SLC35E2B: variants seen among roughly 807,000 people sequenced by gnomAD.
SLC35E2B encodes solute carrier family 35 member E2B, also known as solute carrier family 35, member E2B.
Under a neutral mutation model 32.4 loss-of-function variants are expected in SLC35E2B, and 18 were observed. The ratio of observed to expected loss-of-function variants is 0.56; its 90% CI spans 0.38 to 0.82. SLC35E2B has a LOEUF of 0.82. SLC35E2B is among the 40% of genes least tolerant of loss of function. SLC35E2B has a pLI of 0.00. For missense variants in SLC35E2B, 263 were observed against 469.5 expected (o/e 0.56, Z 4.06); for synonymous variants, 132 against 209.1 (o/e 0.63, Z 3.18).
At chr1:1,678,791 T>A (rs1251647769) in intron 2 of SLC35E2B, among the ~76,000 whole-genome samples, 2 of 152,134 alleles carry the variant, frequency 1.3e-5, no homozygotes. Flanking sequence ...TAAACCTCCA[T>A]GGGCTGCAGC....
At chr1:1,667,855 T>C (rs1397198007) in intron 9 of SLC35E2B, among the ~76,000 whole-genome samples, 1 of 151,310 alleles carries the variant, frequency 6.6e-6, no homozygotes, top group Non-Finnish European at 1.5e-5. Flanking sequence ...TTTGTTTTTC[T>C]GTTTTTTTTT....
intron 2 of SLC35E2B, among the ~76,000 whole-genome samples, chr1:1,677,325 TGA>T (rs2101106363): frequency 6.7e-6 from 1 of 150,324 alleles, no homozygotes; most frequent in South Asian, 2.1e-4. Flanking sequence ...TCCTTGCTCT[TGA>T]GAGACGGTCT....
intron 5 of SLC35E2B, among the ~76,000 whole-genome samples, chr1:1,675,087 C>T (rs908909376): frequency 1.3e-5 from 2 of 151,512 alleles, no homozygotes; most frequent in African/African-American, 4.9e-5. Flanking sequence ...GCCCACGGAC[C>T]AGGAGCCACG....
chr1:1,665,339 C>T lies in SLC35E2B; in HGVS notation c.*443G>A, dbSNP rs1339944198. Reference sequence around the variant, plus strand: ...CGGCCCTGCTCTGTGGCCTCATGCCCAGGGCCAGTCTGCCGCCGGTCCAGG... The same window carrying T: ...CGGCCCTGCTCTGTGGCCTCATGCCTAGGGCCAGTCTGCCGCCGGTCCAGG... On this transcript the variant is annotated 3_prime_UTR_variant, in exon 10 of 10. Coordinates refer to ENST00000617444, the MANE Select transcript of SLC35E2B (RefSeq NM_001290264.2). 11 of 402,360 alleles carry T rather than the reference C, an allele frequency of 2.7e-5. No homozygotes were observed. The highest frequency in any genetic ancestry group is 4.0e-5 in the Non-Finnish European group (9 of 226,722). 24.9% of individuals were successfully genotyped at this position (402,360 alleles called of 1,614,324 possible). A position where few individuals can be genotyped will look rare whatever the true frequency, so the allele number is the denominator to read the frequency against.
At chr1:1,678,022 C>A (rs1643868766) in intron 2 of SLC35E2B, among the ~76,000 whole-genome samples, 1 of 151,900 alleles carries the variant, frequency 6.6e-6, no homozygotes, top group South Asian at 2.1e-4. Context: ...GTTTCTCACA[C>A]CTGGGTTTCT....
chr1:1,678,202 T>C (rs1360651118), intron 2 of SLC35E2B, among the ~76,000 whole-genome samples: 1 of 152,116 alleles, frequency 6.6e-6, no homozygotes, highest in Admixed American at 6.5e-5. Context: ...TCCTTCTGTG[T>C]TTATGTTTAT....
chr1:1,680,790 G>A (rs1394262012), intron 2 of SLC35E2B, among the ~76,000 whole-genome samples: 1 of 151,622 alleles, frequency 6.6e-6, no homozygotes, highest in East Asian at 1.9e-4. Flanking sequence ...AAATGCCTGA[G>A]GCTGGCTGCT....
chr1:1,678,454 C>T (rs1643872217), intron 2 of SLC35E2B, among the ~76,000 whole-genome samples: 1 of 152,042 alleles, frequency 6.6e-6, no homozygotes, highest in Non-Finnish European at 1.5e-5. Context: ...TCTCTCTCCT[C>T]CCCTCCCCCT....
chr1:1,664,646 G>A lies in SLC35E2B; in HGVS notation c.*1136C>T, dbSNP rs1350122451. ...CACAGGAGGATGAGTTGAGCTGGCT[G>A]GTGGCCCCAGTGTGCCGTACTACTG... On this transcript the variant is annotated 3_prime_UTR_variant, in exon 10 of 10. Transcript: ENST00000617444. 6.1e-6 allele frequency: 5 copies of A among 821,106 alleles called. 1 individual carries two copies. The highest frequency in any genetic ancestry group is 5.8e-6 in the Non-Finnish European group (4 of 684,486). The allele number at this position is 821,106 out of a possible 1,614,324, so 50.9% of individuals were successfully genotyped here.
At chr1:1,675,228 C>CG (rs552474799) in intron 5 of SLC35E2B, among the ~76,000 whole-genome samples, 68,400 of 131,278 alleles carry the variant, frequency 0.52, 22,646 homozygotes, top group Non-Finnish European at 0.74. Flanking sequence ...GTTAGGGCCA[C>CG]AGACACAACC....
At chr1:1,671,836 G>A (rs996675689) in intron 5 of SLC35E2B, among the ~76,000 whole-genome samples, 3 of 152,128 alleles carry the variant, frequency 2.0e-5, no homozygotes, top group Non-Finnish European at 2.9e-5. Context: ...CAAAGGTGGC[G>A]CCTTTCACTC....
chr1:1,666,078 G>A (rs968352669), intron 9 of SLC35E2B, 59 bp from the exon 10 acceptor site: 114 of 1,503,166 alleles, frequency 7.6e-5, no homozygotes, highest in Non-Finnish European at 1.4e-5. Flanking sequence ...TCAGCCCGTG[G>A]CCAGCAGCTC....
In SLC35E2B at chr1:1,665,980, G is replaced by A. The variant is rs1643534219; in HGVS notation, c.1020C>T (p.Leu340=). The A allele has an allele frequency of 3.2e-6, 5 of 1,551,420 alleles. No homozygotes were observed. Among genetic ancestry groups the A allele is most frequent in the South Asian group, 1.2e-5 (1 of 84,064 alleles). Reference sequence around the variant, plus strand: ...TCTTGTTGCCGAAAACGATTACGCTGAGCCAGATGGACAAGGCATGTTTCA... The same window carrying A: ...TCTTGTTGCCGAAAACGATTACGCTAAGCCAGATGGACAAGGCATGTTTCA... ...STVKHALSIW[L]SVIVFGNKIT... Residue 340 remains leucine, a synonymous_variant, in exon 10 of 10, where the codon CTC becomes CTT. Coordinates refer to ENST00000617444, the MANE Select transcript of SLC35E2B (RefSeq NM_001290264.2).
chr1:1,685,562 T>C (rs1643940376), intron 2 of SLC35E2B, among the ~76,000 whole-genome samples: 1 of 151,888 alleles, frequency 6.6e-6, no homozygotes, highest in Non-Finnish European at 1.5e-5. Context: ...CATGAAAATA[T>C]GTCGCTTGCT....
rs1453542244 is a variant in SLC35E2B, at chr1:1,670,112, GT to G, written c.746del (p.Asp249AlafsTer34). On this transcript the variant is annotated frameshift_variant, in exon 7 of 10. Transcript: ENST00000617444. LOFTEE classifies it high-confidence loss of function. ...ATAATACTTACGAGAACCTGTATTT[GT>G]CCCCGCTGAGCAGCTTTTTTGAAAA... ...NVFSKKLLSG[D>X]KYRFSAPELQ... 1 of 1,551,584 alleles carries G rather than the reference GT, an allele frequency of 6.4e-7. No homozygotes were observed. The highest frequency in any genetic ancestry group is 1.4e-5 in the African/African-American group (1 of 73,010).
intron 2 of SLC35E2B, among the ~76,000 whole-genome samples, chr1:1,683,517 C>T (rs541380053): frequency 8.5e-5 from 13 of 152,346 alleles, no homozygotes; most frequent in African/African-American, 3.1e-4. Flanking sequence ...TTCAGGCCCT[C>T]TCTGGGCGCC....
chr1:1,692,694 G>A lies in SLC35E2B; in HGVS notation c.-811C>T. On this transcript the variant is annotated 5_prime_UTR_variant, in exon 1 of 10. Transcript: ENST00000617444. ...CCTGCATCGGGCTCCTCGCTGCCCCGCGGGCGCCGCTCCTCAGTGCCCCAG... is the reference window on the plus strand; with the variant it reads ...CCTGCATCGGGCTCCTCGCTGCCCCACGGGCGCCGCTCCTCAGTGCCCCAG... 1 of 983,596 alleles carries A rather than the reference G, an allele frequency of 1.0e-6. No individual in the cohort carries two copies. The highest frequency in any genetic ancestry group is 1.2e-6 in the Non-Finnish European group (1 of 828,774). The allele number at this position is 983,596 out of a possible 1,614,324, so 60.9% of individuals were successfully genotyped here. A position where few individuals can be genotyped will look rare whatever the true frequency, so the allele number is the denominator to read the frequency against.
intron 2 of SLC35E2B, among the ~76,000 whole-genome samples, chr1:1,685,831 T>C (rs1387266485): frequency 6.6e-6 from 1 of 152,078 alleles, no homozygotes; most frequent in African/African-American, 2.4e-5. Flanking sequence ...AAACATGCTT[T>C]TTTCCCTTTT....
rs978974337 is a variant in SLC35E2B, at chr1:1,670,127, C to G, written c.732G>C (p.Lys244Asn). ...MDCLQNVFSK[K>N]LLSGDKYRFS... The stretch of plus-strand genomic sequence containing the variant: ...ACCTGTATTTGTCCCCGCTGAGCAG[C>G]TTTTTTGAAAAAACATTTTGCAAAC... The change falls in exon 7 of 10, where the codon AAG becomes AAC. Residue 244 changes from lysine to asparagine, a missense_variant. Transcript: ENST00000617444. 6.4e-7 allele frequency: 1 copy of G among 1,551,610 alleles called. No homozygotes were observed. Among genetic ancestry groups the G allele is most frequent in the Non-Finnish European group, 8.7e-7 (1 of 1,146,762 alleles).
Sources: allele counts gnomAD v4.1 joint callset (sites outside exome capture counted in the v4.1 genomes callset), GRCh38; gene constraint gnomAD v4.1.1; transcripts MANE v1.5; gene names NCBI Gene and HGNC (gene_info 2026-07-23, HGNC 2026-07-21).